ZBTB7C: variants seen among roughly 807,000 people sequenced by gnomAD.
The protein encoded by ZBTB7C is zinc finger and BTB domain containing 7C, also known as zinc finger and BTB domain-containing protein 7C.
Under a neutral mutation model 25.7 loss-of-function variants are expected in ZBTB7C, and 8 were observed. The ratio of observed to expected loss-of-function variants is 0.31; its 90% CI spans 0.18 to 0.56. ZBTB7C has a LOEUF of 0.56. Ranked by LOEUF, ZBTB7C falls within the 20% of genes least tolerant of loss-of-function variation. The pLI is 0.91. For missense variants in ZBTB7C, 824 were observed against 855.2 expected (o/e 0.96, Z 0.46); for synonymous variants, 394 against 369.0 (o/e 1.07, Z -0.78).
chr18:48,115,406 A>G (rs4940258), intron 3 of ZBTB7C, among the ~76,000 whole-genome samples: 92,512 of 151,676 alleles, frequency 0.61, 28,652 homozygotes, highest in Middle Eastern at 0.71. Flanking sequence ...CCGCCACCGC[A>G]CCTAGCTAAT....
At chr18:48,226,878 G>T (rs1165574703) in intron 2 of ZBTB7C, among the ~76,000 whole-genome samples, 2 of 152,036 alleles carry the variant, frequency 1.3e-5, no homozygotes, top group Non-Finnish European at 2.9e-5. Flanking sequence ...AAATTAGCCA[G>T]GCGTGATGGC....
intron 2 of ZBTB7C, among the ~76,000 whole-genome samples, chr18:48,310,468 A>T (rs1364587128): frequency 6.6e-6 from 1 of 152,008 alleles, no homozygotes; most frequent in Admixed American, 6.5e-5. Flanking sequence ...TTCCAAAAAA[A>T]GTCTACTGTT....
At chr18:48,128,882 G>A (rs1333463828) in intron 3 of ZBTB7C, among the ~76,000 whole-genome samples, 1 of 151,790 alleles carries the variant, frequency 6.6e-6, no homozygotes, top group African/African-American at 2.4e-5. Context: ...TTTAAAGAAA[G>A]AAGTGTGCGC....
chr18:48,264,853 C>T (rs1006595180), intron 2 of ZBTB7C, among the ~76,000 whole-genome samples: 2 of 152,180 alleles, frequency 1.3e-5, no homozygotes, highest in African/African-American at 4.8e-5. Flanking sequence ...TTCCATCTGT[C>T]GTCTCAATCA....
At chr18:48,135,231 A>G (rs955467160) in intron 3 of ZBTB7C, among the ~76,000 whole-genome samples, 1 of 152,234 alleles carries the variant, frequency 6.6e-6, no homozygotes, top group Non-Finnish European at 1.5e-5. Context: ...GGACACATAC[A>G]GTAAACAATA....
At chr18:48,272,955 C>A (rs1234780816) in intron 2 of ZBTB7C, among the ~76,000 whole-genome samples, 1 of 152,078 alleles carries the variant, frequency 6.6e-6, no homozygotes, top group Non-Finnish European at 1.5e-5. Context: ...ACAGGCAAAT[C>A]CATGGAAACA....
chr18:48,212,407 C>T (rs2042723007), intron 2 of ZBTB7C, among the ~76,000 whole-genome samples: 2 of 150,616 alleles, frequency 1.3e-5, no homozygotes, highest in Non-Finnish European at 2.9e-5. Context: ...ATGATGGACA[C>T]ATGTCATTAT....
At chr18:48,051,113 T>A (rs2036670229) in intron 3 of ZBTB7C, among the ~76,000 whole-genome samples, 1 of 152,134 alleles carries the variant, frequency 6.6e-6, no homozygotes, top group East Asian at 1.9e-4. Flanking sequence ...TCGCCACCTC[T>A]TCAACCCTTT....
chr18:48,267,919 C>T (rs2044359070), intron 2 of ZBTB7C, among the ~76,000 whole-genome samples: 1 of 152,192 alleles, frequency 6.6e-6, no homozygotes, highest in Admixed American at 6.5e-5. Flanking sequence ...TGTTAAGTCA[C>T]CCAGTTTATG....
chr18:48,219,083 C>G (rs1244138578), intron 2 of ZBTB7C, among the ~76,000 whole-genome samples: 2 of 152,202 alleles, frequency 1.3e-5, no homozygotes, highest in Non-Finnish European at 2.9e-5. Flanking sequence ...ATCTATCGTT[C>G]CATCTGACCC....
intron 2 of ZBTB7C, among the ~76,000 whole-genome samples, chr18:48,282,474 A>T (rs912964710): frequency 8.5e-5 from 13 of 152,056 alleles, no homozygotes; most frequent in Non-Finnish European, 1.6e-4. Context: ...TAAAAAAAAA[A>T]TTTAGTGTTA....
At chr18:48,208,341 T>C (rs1230872689) in intron 2 of ZBTB7C, among the ~76,000 whole-genome samples, 11 of 152,142 alleles carry the variant, frequency 7.2e-5, no homozygotes, top group Non-Finnish European at 2.9e-5. Flanking sequence ...TGTCCACCAA[T>C]GCCGTTCCTG....
In ZBTB7C at chr18:48,327,157, T is replaced by C. The variant is rs753321707; in HGVS notation, c.-79+11017A>G. 6.6e-4 allele frequency among the ~76,000 whole-genome samples: 100 copies of C among 152,068 alleles called. 1 individual carries two copies. The highest frequency in any genetic ancestry group is 2.6e-4 in the Non-Finnish European group (18 of 68,014). On this transcript the variant is annotated intron_variant, in intron 2 of 4. Coordinates refer to ENST00000590800, the MANE Select transcript of ZBTB7C (RefSeq NM_001318841.2). ...TGGTCACAGTGGCCTGGTCTCTCTG[T>C]CTCTTCGTGGAAAAGATTAGGAAGG...
At chr18:48,410,506 C>T (rs369808029), upstream of ZBTB7C, among the ~76,000 whole-genome samples, 1 of 152,206 alleles carries the variant, frequency 6.6e-6, no homozygotes, top group South Asian at 2.1e-4. Context: ...AGGAGAATCT[C>T]GCTGGGACGC....
chr18:48,194,217 T>C (rs1258288964), intron 2 of ZBTB7C, among the ~76,000 whole-genome samples: 9 of 152,178 alleles, frequency 5.9e-5, no homozygotes, highest in Non-Finnish European at 1.2e-4. Flanking sequence ...GTACATTTTA[T>C]TTTTTCTAGA....
rs767096654 is a variant in ZBTB7C, at chr18:48,040,589, G to C, written c.519C>G (p.Asp173Glu). The C allele has an allele frequency of 1.9e-6, 3 of 1,613,850 alleles. No individual in the cohort carries two copies. The South Asian group carries it at 3.3e-5, about 18-fold the overall frequency. The stretch of plus-strand genomic sequence containing the variant: ...CCTGGGGGTCAGGCAAGTTTTCTTG[G>C]TCAGCAAAGTCCTCCGTGTCATCAT... Reference protein sequence around the residue: ...DDDDDTEDFADQENLPDPQDI... With the variant: ...DDDDDTEDFAEQENLPDPQDI... The change falls in exon 4 of 5, where the codon GAC becomes GAG. Residue 173 changes from aspartate to glutamate, a missense_variant. By Grantham distance (45) the Asp-to-Glu change is conservative. Transcript: ENST00000590800.
At chr18:48,102,724 T>C (rs1395558386) in intron 3 of ZBTB7C, among the ~76,000 whole-genome samples, 7 of 152,030 alleles carry the variant, frequency 4.6e-5, no homozygotes, top group Non-Finnish European at 7.4e-5. Flanking sequence ...TTGCCCTAAA[T>C]AGACAGAGGT....
At chr18:48,232,536 C>T (rs2043282169) in intron 2 of ZBTB7C, among the ~76,000 whole-genome samples, 1 of 152,076 alleles carries the variant, frequency 6.6e-6, no homozygotes, top group South Asian at 2.1e-4. Context: ...CAGTTAAGGT[C>T]ACCTGGAACA....
intron 3 of ZBTB7C, among the ~76,000 whole-genome samples, chr18:48,131,177 T>G (rs1158087428): frequency 6.6e-6 from 1 of 152,246 alleles, no homozygotes; most frequent in East Asian, 1.9e-4. Flanking sequence ...GTGCTGGGAT[T>G]ACAGGCGTGA....
Sources: gnomAD v4.1 joint callset for allele counts (sites outside exome capture counted in the v4.1 genomes callset) on GRCh38, gnomAD v4.1.1 for gene constraint, MANE v1.5 for transcripts, NCBI Gene and HGNC (gene_info 2026-07-23, HGNC 2026-07-21) for gene names.